The following ZMYM5 variants were observed in gnomAD, a reference collection of about 807,000 sequenced individuals.
The protein encoded by ZMYM5 is zinc finger MYM-type protein 5.
ZMYM5 carries 41 observed loss-of-function variants against 61.8 expected under a neutral mutation model. The observed-to-expected ratio is 0.66, with a 90% CI of 0.52 to 0.86. The LOEUF (loss-of-function observed/expected upper bound fraction) is 0.86, where lower values mean the gene tolerates loss of function less well. Ranked by LOEUF, ZMYM5 falls within the 40% of genes least tolerant of loss-of-function variation. The pLI is 0.00. For missense variants in ZMYM5, 706 were observed against 786.7 expected (o/e 0.90, Z 1.23); for synonymous variants, 257 against 276.4 (o/e 0.93, Z 0.70).
intron 5 of ZMYM5, among the ~76,000 whole-genome samples, 160 bp from the exon 6 acceptor site, chr13:19,837,981 A>T (rs571735722): frequency 9.8e-5 from 15 of 152,340 alleles, no homozygotes; most frequent in African/African-American, 3.4e-4. Context: ...TTTATTGCCA[A>T]GAGTTCTTAA....
At chr13:19,859,403 G>T (rs1267765234) in intron 2 of ZMYM5, among the ~76,000 whole-genome samples, 2 of 151,898 alleles carry the variant, frequency 1.3e-5, no homozygotes, top group African/African-American at 4.8e-5. Flanking sequence ...TTGTTTGTTT[G>T]TTTGTTTGTT....
intron 7 of ZMYM5, among the ~76,000 whole-genome samples, chr13:19,825,443 G>A (rs578010622): frequency 6.6e-6 from 1 of 151,884 alleles, no homozygotes; most frequent in Non-Finnish European, 1.5e-5. Flanking sequence ...TCAGGAGTTC[G>A]AGAACAAGTC....
rs769889848 is a variant in ZMYM5 at position 19,835,468 on chromosome 13, A to G, written c.1251+9T>C. 7.3e-7 allele frequency: 1 copy of G among 1,363,560 alleles called. No individual in the cohort carries two copies. The highest frequency in any genetic ancestry group is 9.8e-7 in the Non-Finnish European group (1 of 1,019,058). 84.5% of individuals were successfully genotyped at this position (1,363,560 alleles called of 1,614,324 possible). A position where few individuals can be genotyped will look rare whatever the true frequency, so the allele number is the denominator to read the frequency against. On this transcript the variant is annotated intron_variant, in intron 7 of 7. Transcript: ENST00000337963. ...ATTTGATCATTTAAAGCTCATGAAA[A>G]AGAATTACCTGTTTATATTCGTTAA...
At chr13:19,862,246 G>A (rs1953795574) in intron 2 of ZMYM5, among the ~76,000 whole-genome samples, 153 bp downstream of exon 2, 1 of 152,046 alleles carries the variant, frequency 6.6e-6, no homozygotes, top group African/African-American at 2.4e-5. Context: ...GGACTACCAT[G>A]GCTTGGCTCT....
intron 7 of ZMYM5, among the ~76,000 whole-genome samples, chr13:19,831,580 G>C (rs1356790083): frequency 6.6e-6 from 1 of 151,758 alleles, no homozygotes; most frequent in Non-Finnish European, 1.5e-5. Flanking sequence ...CAGATTACCT[G>C]AAGTCAGGAG....
chr13:19,856,802 T>C (rs934197873), intron 2 of ZMYM5, among the ~76,000 whole-genome samples: 1 of 151,550 alleles, frequency 6.6e-6, no homozygotes, highest in Non-Finnish European at 1.5e-5. Context: ...AAAATGAGAC[T>C]CTGTCTCGAA....
At chr13:19,856,252 G>A (rs1953505748) in intron 2 of ZMYM5, among the ~76,000 whole-genome samples, 1 of 152,174 alleles carries the variant, frequency 6.6e-6, no homozygotes, top group South Asian at 2.1e-4. Flanking sequence ...CCTAAACTGT[G>A]AACAGGGATA....
At chr13:19,837,923 T>C (rs1313568123) in intron 5 of ZMYM5, 102 bp from the exon 6 acceptor site, 17 of 1,308,104 alleles carry the variant, frequency 1.3e-5, no homozygotes, top group Middle Eastern at 2.7e-4. Flanking sequence ...TATGATTTAA[T>C]ACTAGAAATC....
intron 4 of ZMYM5, among the ~76,000 whole-genome samples, chr13:19,842,345 T>C (rs1952907974): frequency 6.6e-6 from 1 of 152,182 alleles, no homozygotes; most frequent in Non-Finnish European, 1.5e-5. Flanking sequence ...TTGCCCGTTT[T>C]TTCTCTTGTA....
chr13:19,823,658 C>T lies in ZMYM5; in HGVS notation c.*819G>A, dbSNP rs1033760730. On this transcript the variant is annotated 3_prime_UTR_variant, in exon 8 of 8. Transcript: ENST00000337963. ...AACAAATAATGCTGTTTTGCTCAAA[C>T]AAAGTAGATCACAAGTATTTGGTTT... 3 of 151,872 alleles carry T rather than the reference C, an allele frequency of 2.0e-5. No individual in the cohort carries two copies. Among genetic ancestry groups the T allele is most frequent in the African/African-American group, 7.3e-5 (3 of 41,324 alleles). 9.4% of individuals were successfully genotyped at this position (151,872 alleles called of 1,614,324 possible).
At chr13:19,855,348 C>T (rs899593252) in intron 2 of ZMYM5, among the ~76,000 whole-genome samples, 2 of 151,858 alleles carry the variant, frequency 1.3e-5, no homozygotes, top group African/African-American at 2.4e-5. Context: ...CTGCAAGCTC[C>T]GCCTGCCAGG....
chr13:19,862,907 G>T (rs1431936123), intron 1 of ZMYM5, among the ~76,000 whole-genome samples: 1 of 152,214 alleles, frequency 6.6e-6, no homozygotes, highest in African/African-American at 2.4e-5. Flanking sequence ...AGCAGTCGAC[G>T]ACAGGGCCCC....
intron 7 of ZMYM5, among the ~76,000 whole-genome samples, chr13:19,832,040 T>C (rs984880087): frequency 6.6e-5 from 10 of 151,586 alleles, no homozygotes; most frequent in African/African-American, 2.2e-4. Flanking sequence ...GTATTTTTTG[T>C]AGAAACGGAG....
chr13:19,856,820 A>G (rs1953530515), intron 2 of ZMYM5, among the ~76,000 whole-genome samples: 1 of 151,412 alleles, frequency 6.6e-6, no homozygotes. Flanking sequence ...GAAAACAAAC[A>G]AAAAGGCCGG....
At chr13:19,862,302 A>C (rs1281212022) in intron 2 of ZMYM5, 97 bp downstream of exon 2, 1 of 152,144 alleles carries the variant, frequency 6.6e-6, no homozygotes, top group Non-Finnish European at 1.5e-5. Flanking sequence ...CAAGGCCTTC[A>C]AGATAACACA....
At chr13:19,832,304 C>T (rs1288667470) in intron 7 of ZMYM5, among the ~76,000 whole-genome samples, 1 of 151,942 alleles carries the variant, frequency 6.6e-6, no homozygotes, top group East Asian at 1.9e-4. Context: ...TTAGCAAGAA[C>T]TCAGACACAG....
chr13:19,862,788 T>C (rs1042935553), intron 1 of ZMYM5, among the ~76,000 whole-genome samples: 1 of 152,154 alleles, frequency 6.6e-6, no homozygotes, highest in Non-Finnish European at 1.5e-5. Context: ...CCTCCTAAAT[T>C]TGCCCACCCA....
intron 4 of ZMYM5, among the ~76,000 whole-genome samples, chr13:19,848,078 C>T (rs1337105861): frequency 1.3e-5 from 2 of 151,926 alleles, no homozygotes; most frequent in African/African-American, 4.8e-5. Context: ...TCAAGCAATT[C>T]TCATGCCTCA....
chr13:19,830,250 T>G (rs1218808921), intron 7 of ZMYM5, among the ~76,000 whole-genome samples: 1 of 152,232 alleles, frequency 6.6e-6, no homozygotes, highest in Non-Finnish European at 1.5e-5. Context: ...GTTGGCCTTT[T>G]CAGAAGGCTG....
Sources: allele counts gnomAD v4.1 joint callset (sites outside exome capture counted in the v4.1 genomes callset), GRCh38; gene constraint gnomAD v4.1.1; transcripts MANE v1.5; gene names NCBI Gene and HGNC (gene_info 2026-07-23, HGNC 2026-07-21).